MYRF: variants seen among roughly 807,000 people sequenced by gnomAD.
MYRF encodes the protein myelin regulatory factor, also known as myelin gene regulatory factor.
MYRF carries 16 observed loss-of-function variants against 126.3 expected under a neutral mutation model. The ratio of observed to expected loss-of-function variants is 0.13; its 90% CI spans 0.09 to 0.19. The LOEUF (loss-of-function observed/expected upper bound fraction) is 0.19. Among genes scored for constraint, MYRF ranks in the 10% least tolerant of loss-of-function variants. The probability of loss-of-function intolerance (pLI) is 1.00; values close to 1 mark genes in which losing one functional copy is unlikely to be tolerated. For synonymous variants in MYRF, 608 were observed against 635.3 expected (o/e 0.96, Z 0.65); for missense variants, 1,104 against 1,547.0 (o/e 0.71, Z 4.80).
Position 61,786,486 on chromosome 11 carries a change from G to A in MYRF, c.*343G>A. 1 of 328,734 alleles carries A rather than the reference G, an allele frequency of 3.0e-6. No individual in the cohort carries two copies. The highest frequency in any genetic ancestry group is 5.8e-6 in the Non-Finnish European group (1 of 173,634). The allele number at this position is 328,734 out of a possible 1,614,324, so 20.4% of individuals were successfully genotyped here. A position where few individuals can be genotyped will look rare whatever the true frequency, so the allele number is the denominator to read the frequency against. ...AAGGGGAAGCCTGTGGCCCTGATTT[G>A]TTCAGAGCCCATTCTCCCTTGCCTC... On this transcript the variant is annotated 3_prime_UTR_variant, in exon 27 of 27. Transcript: ENST00000278836. The surrounding 1 kb of genome is among the most constrained non-coding windows in gnomAD (Gnocchi z 4.5).
intron 7 of MYRF, among the ~76,000 whole-genome samples, 159 bp downstream of exon 7, chr11:61,772,111 C>G (rs1448262775): frequency 6.6e-6 from 1 of 152,192 alleles, no homozygotes; most frequent in Non-Finnish European, 1.5e-5. Context: ...GTCAGGGCTC[C>G]TGACTCCTAG....
In MYRF at chr11:61,779,534, C is replaced by A. The variant is rs420760; in HGVS notation, c.2211C>A (p.Val737=). ...GCCAGTTCAGTCGGGCGGGCAGCGT[C>A]CCCCACAAGAAGAGGCCCCCCAAGG... The part of the protein sequence containing the change: ...AGSQFSRAGS[V]PHKKRPPKVA... Residue 737 remains valine (V), a synonymous_variant, in exon 16 of 27, where the codon GTC becomes GTA. Transcript: ENST00000278836. 9 of 1,509,290 alleles carry A rather than the reference C, an allele frequency of 6.0e-6. No homozygotes were observed. The highest frequency in any genetic ancestry group is 8.0e-6 in the Non-Finnish European group (9 of 1,128,282). The allele number at this position is 1,509,290 out of a possible 1,614,324, so 93.5% of individuals were successfully genotyped here. A position where few individuals can be genotyped will look rare whatever the true frequency, so the allele number is the denominator to read the frequency against.
At chr11:61,761,959 G>A (rs538092169) in intron 1 of MYRF, among the ~76,000 whole-genome samples, 1 of 152,362 alleles carries the variant, frequency 6.6e-6, no homozygotes, top group East Asian at 1.9e-4. Context: ...CCTGCCCAGC[G>A]GGGTGTGTGT....
intron 22 of MYRF, chr11:61,782,532 G>A (rs2066580213): frequency 6.6e-6 from 1 of 152,280 alleles, no homozygotes; most frequent in African/African-American, 2.4e-5. Flanking sequence ...CTGTACAGGG[G>A]ACTGGGGGTG....
At chr11:61,752,895 G>A (rs891665772) in intron 1 of MYRF, 105 bp downstream of exon 1, 8 of 1,151,878 alleles carry the variant, frequency 6.9e-6, no homozygotes, top group Non-Finnish European at 9.4e-6. Context: ...TCCTCTGGCT[G>A]GGACCCTCCT....
At chr11:61,762,223 G>A (rs2135720228) in intron 1 of MYRF, among the ~76,000 whole-genome samples, 1 of 152,250 alleles carries the variant, frequency 6.6e-6, no homozygotes, top group East Asian at 1.9e-4. Flanking sequence ...GGGACCTGGG[G>A]AAGGAGAAAA....
Position 61,771,568 on chromosome 11 carries a change from T to A in MYRF, c.809T>A (p.Met270Lys). 6.2e-7 allele frequency: 1 copy of A among 1,613,856 alleles called. No homozygotes were observed. Among genetic ancestry groups the A allele is most frequent in the Non-Finnish European group, 8.5e-7 (1 of 1,179,916 alleles). ...CCCCCCAGCACCCTCAATGCCCAGA[T>A]GCTGAATGGAATGATCAAACAGGAG... ...ESPPSTLNAQ[M>K]LNGMIKQEPG... The change falls in exon 6 of 27, where the codon ATG (methionine) becomes AAG (lysine). Residue 270 changes from methionine to lysine, a missense_variant. This residue lies in a region of MYRF where 368 missense variants were observed against 403.9 expected (regional missense o/e 0.91). Transcript: ENST00000278836.
chr11:61,784,457 A>C, intron 25 of MYRF, 72 bp downstream of exon 25: 4 of 1,228,130 alleles, frequency 3.3e-6, no homozygotes, highest in Admixed American at 1.9e-5. Context: ...TGGGCCCCAA[A>C]ATGGGCAAGG....
Position 61,757,641 on chromosome 11 carries a change from G to A in MYRF, c.46+4851G>A, listed in dbSNP as rs2065796695. The A allele has an allele frequency of 2.3e-6, 1 of 435,812 alleles. No individual in the cohort carries two copies. The highest frequency in any genetic ancestry group is 1.6e-5 in the South Asian group (1 of 62,692). The allele number at this position is 435,812 out of a possible 1,614,324, so 27.0% of individuals were successfully genotyped here. On this transcript the variant is annotated intron_variant, in intron 1 of 26. Transcript: ENST00000278836. The surrounding 1 kb of genome is among the most constrained non-coding windows in gnomAD (Gnocchi z 4.7). The stretch of plus-strand genomic sequence containing the variant: ...GTCCCTGGCACATCCAGTGGGGCCC[G>A]CCCCACCTCCCCCTCTGAGATTTGG...
rs1207803361 is a variant in MYRF, at chr11:61,781,762, G to A, written c.2954G>A (p.Arg985His). ...SPSLGFHGRA[R>H]RGALQSSVGP... ...AGCCTTGGTTTCCATGGCCGGGCCC[G>A]CCGAGGGGCCCTCCAGTCCAGCGTG... The change falls in exon 22 of 27, where the codon CGC becomes CAC. Residue 985 changes from arginine to histidine, a missense_variant. Arg to His is a conservative substitution (Grantham distance 29). Coordinates refer to ENST00000278836, the MANE Select transcript of MYRF (RefSeq NM_001127392.3). 10 of 1,610,630 alleles carry A rather than the reference G, an allele frequency of 6.2e-6. No homozygotes were observed. The highest frequency in any genetic ancestry group is 2.7e-5 in the African/African-American group (2 of 74,838).
At chr11:61,769,417 G>T in intron 4 of MYRF, 96 bp downstream of exon 4, 1 of 927,408 alleles carries the variant, frequency 1.1e-6, no homozygotes, top group Non-Finnish European at 1.7e-6. Context: ...GGGGGCCAGC[G>T]GCTGCCCAAC....
chr11:61,770,277 G>A lies in MYRF; in HGVS notation c.492G>A (p.Glu164=). Reference sequence around the variant, plus strand: ...ACCTCCTGCGCACGATAACCCCTGAGACACTGTGCCACGTGGGAGTGCCCT... The same window carrying A: ...ACCTCCTGCGCACGATAACCCCTGAAACACTGTGCCACGTGGGAGTGCCCT... The part of the protein sequence containing the change: ...EPHLLRTITP[E]TLCHVGVPSR... Residue 164 remains glutamate (E), a synonymous_variant, in exon 5 of 27, where the codon GAG becomes GAA. Transcript: ENST00000278836. The A allele has an allele frequency of 6.2e-7, 1 of 1,608,722 alleles. No individual in the cohort carries two copies. Among genetic ancestry groups the A allele is most frequent in the Non-Finnish European group, 8.5e-7 (1 of 1,178,932 alleles).
At chr11:61,760,409 C>T (rs958756712) in intron 1 of MYRF, among the ~76,000 whole-genome samples, 1 of 152,140 alleles carries the variant, frequency 6.6e-6, no homozygotes, top group African/African-American at 2.4e-5. Context: ...GCTGCCAGGG[C>T]AGGCAGGGAG....
At chr11:61,772,457 G>C (rs1365213326) in intron 7 of MYRF, among the ~76,000 whole-genome samples, 1 of 152,272 alleles carries the variant, frequency 6.6e-6, no homozygotes, top group Non-Finnish European at 1.5e-5. Context: ...CAGAAGGCCA[G>C]TGGGCAGGTG....
intron 1 of MYRF, among the ~76,000 whole-genome samples, chr11:61,753,260 A>C (rs1591065921): frequency 6.8e-6 from 1 of 147,434 alleles, no homozygotes; most frequent in Admixed American, 6.7e-5. Context: ...AGAATCTGTG[A>C]CCCCCGCCTA....
At chr11:61,759,680 G>GT (rs1168935125) in intron 1 of MYRF, among the ~76,000 whole-genome samples, 5 of 151,270 alleles carry the variant, frequency 3.3e-5, no homozygotes, top group Admixed American at 6.6e-5. Flanking sequence ...AAAAAGAAAG[G>GT]TAAAAAAAAA....
chr11:61,777,929 T>G lies in MYRF; in HGVS notation c.1903+84T>G. On this transcript the variant is annotated intron_variant, in intron 13 of 26. Coordinates refer to ENST00000278836, the MANE Select transcript of MYRF (RefSeq NM_001127392.3). The surrounding 1 kb of genome is among the most constrained non-coding windows in gnomAD (Gnocchi z 8.8). ...GACCTTGCCCCCTGTCACCTGGAAA[T>G]CCTACTCCTCTTGACTCCCGGAACT... 2 of 1,082,810 alleles carry G rather than the reference T, an allele frequency of 1.8e-6. No homozygotes were observed. The highest frequency in any genetic ancestry group is 2.7e-5 in the South Asian group (2 of 74,412). 67.1% of individuals were successfully genotyped at this position (1,082,810 alleles called of 1,614,324 possible).
Position 61,776,643 on chromosome 11 carries a change from C to G in MYRF, c.1500-144C>G, listed in dbSNP as rs2066391639. ...ACAGCCCTGGCTTCTTGCTGTGGGC[C>G]CTGGGGAATTTCTGCCCCCTGGTGG... On this transcript the variant is annotated intron_variant, in intron 10 of 26. Coordinates refer to ENST00000278836, the MANE Select transcript of MYRF (RefSeq NM_001127392.3). The surrounding 1 kb of genome is among the most constrained non-coding windows in gnomAD (Gnocchi z 4.3). The G allele has an allele frequency of 2.7e-6, 2 of 754,624 alleles. No individual in the cohort carries two copies. The highest frequency in any genetic ancestry group is 2.7e-5 in the East Asian group (1 of 36,826). 46.7% of individuals were successfully genotyped at this position (754,624 alleles called of 1,614,324 possible).
At chr11:61,772,340 G>A (rs1174936565) in intron 7 of MYRF, among the ~76,000 whole-genome samples, 2 of 152,156 alleles carry the variant, frequency 1.3e-5, no homozygotes, top group South Asian at 2.1e-4. Context: ...GGGAGGATCC[G>A]GTCAGAGGCT....
Sources: gnomAD v4.1 joint callset for allele counts (sites outside exome capture counted in the v4.1 genomes callset) on GRCh38, gnomAD v4.1.1 for gene constraint, gnomAD v4.1.1 regional missense constraint, Gnocchi (gnomAD v3.1) non-coding constraint, MANE v1.5 for transcripts, NCBI Gene and HGNC (gene_info 2026-07-23, HGNC 2026-07-21) for gene names.